The following PLEKHA5 variants were observed in gnomAD, a reference collection of about 807,000 sequenced individuals.
PLEKHA5 encodes pleckstrin homology domain-containing family A member 5.
PLEKHA5 carries 55 observed loss-of-function variants against 181.9 expected under a neutral mutation model. The observed-to-expected ratio is 0.30, with a 90% confidence interval of 0.24 to 0.38. The LOEUF is 0.38. Among genes scored for constraint, PLEKHA5 ranks in the 10% least tolerant of loss-of-function variants. The probability of loss-of-function intolerance (pLI) is 1.00; values close to 1 mark genes in which losing one functional copy is unlikely to be tolerated. For missense variants in PLEKHA5, 1,432 were observed against 1,549.5 expected (o/e 0.92, Z 1.27); for synonymous variants, 535 against 529.4 (o/e 1.01, Z -0.15).
intron 11 of PLEKHA5, among the ~76,000 whole-genome samples, chr12:19,279,950 G>A (rs11044475): frequency 0.91 from 138,192 of 151,310 alleles, 63,967 homozygotes; most frequent in Non-Finnish European, 1. Context: ...TAATTTTACT[G>A]CCCCAATAGA....
intron 3 of PLEKHA5, among the ~76,000 whole-genome samples, chr12:19,188,391 G>T (rs773231597): frequency 6.6e-6 from 1 of 152,008 alleles, no homozygotes; most frequent in Non-Finnish European, 1.5e-5. Context: ...TTTCAGATCA[G>T]CATGTTATTT....
chr12:19,163,163 C>G (rs1392799429), intron 3 of PLEKHA5, among the ~76,000 whole-genome samples: 1 of 151,810 alleles, frequency 6.6e-6, no homozygotes, highest in African/African-American at 2.4e-5. Context: ...TAACCAGGAT[C>G]CAGAATTTGA....
At chr12:19,310,926 A>G (rs1307616721) in intron 15 of PLEKHA5, among the ~76,000 whole-genome samples, 2 of 152,134 alleles carry the variant, frequency 1.3e-5, no homozygotes, top group African/African-American at 4.8e-5. Flanking sequence ...AGCAAGTCCT[A>G]ATCTTTTTGC....
chr12:19,186,212 A>G (rs1020095044), intron 3 of PLEKHA5, among the ~76,000 whole-genome samples: 2 of 152,242 alleles, frequency 1.3e-5, no homozygotes, highest in African/African-American at 4.8e-5. Flanking sequence ...CTTTCAGTTC[A>G]GTAGAAAATG....
chr12:19,365,861 T>C, intron 29 of PLEKHA5, 103 bp from the exon 30 acceptor site: 1 of 666,014 alleles, frequency 1.5e-6, no homozygotes. Context: ...TAAGAAAATG[T>C]TCGTTGTTAA....
chr12:19,275,129 T>A, intron 11 of PLEKHA5, 146 bp downstream of exon 11: 1 of 623,548 alleles, frequency 1.6e-6, no homozygotes, highest in Non-Finnish European at 2.8e-6. Context: ...TTTATAATGA[T>A]CAGATATAAG....
intron 4 of PLEKHA5, 68 bp from the exon 5 acceptor site, chr12:19,254,977 T>C (rs1461847836): frequency 1.4e-6 from 2 of 1,396,786 alleles, no homozygotes; most frequent in Non-Finnish European, 2.0e-6. Context: ...TTGTTAACTG[T>C]AGAGAAGTGT....
chr12:19,268,457 A>T (rs2071335889), intron 8 of PLEKHA5, among the ~76,000 whole-genome samples: 1 of 152,232 alleles, frequency 6.6e-6, no homozygotes, highest in Non-Finnish European at 1.5e-5. Flanking sequence ...TTTTAATTTT[A>T]TCTGTAACAA....
At chr12:19,374,504 C>T (rs944056201) in intron 31 of PLEKHA5, among the ~76,000 whole-genome samples, 1 of 151,394 alleles carries the variant, frequency 6.6e-6, no homozygotes, top group African/African-American at 2.4e-5. Flanking sequence ...ACTGAAAATA[C>T]AAAAATTAGC....
At position 19,191,577 on chromosome 12, in the gene PLEKHA5, A is replaced by C. The variant is rs531367961; in HGVS notation, c.227+59127A>C. ...GTTATACAAAATAAGATACGTTGTA[A>C]CCTAATTAGATACAGGTATATCAGC... is the stretch of plus-strand genomic sequence containing the variant. On this transcript the variant is annotated intron_variant, in intron 3 of 31. Transcript: ENST00000429027. Among the ~76,000 whole-genome samples, 8 of 152,324 alleles carry C rather than the reference A, an allele frequency of 5.3e-5. No individual in the cohort carries two copies. In the South Asian group the frequency reaches 1.7e-3, roughly 32 times the overall value.
At chr12:19,246,231 G>T (rs2063716113) in intron 3 of PLEKHA5, among the ~76,000 whole-genome samples, 1 of 151,702 alleles carries the variant, frequency 6.6e-6, no homozygotes, top group Non-Finnish European at 1.5e-5. Context: ...ACCCGCCTTG[G>T]CCTCCCAAAG....
Position 19,366,059 on chromosome 12 carries a change from T to C in PLEKHA5, c.3704T>C (p.Ile1235Thr). 1 of 1,612,360 alleles carries C rather than the reference T, an allele frequency of 6.2e-7. No individual in the cohort carries two copies. ...NSVDEQEETV[I>T]SYESTPEVSR... Reference sequence around the variant, plus strand: ...GTTGACGAACAGGAAGAAACTGTTATTTCTTACGAATCAACTCCTGAGGTT... The same window carrying C: ...GTTGACGAACAGGAAGAAACTGTTACTTCTTACGAATCAACTCCTGAGGTT... The change falls in exon 30 of 32, where the codon ATT becomes ACT. Residue 1235 changes from isoleucine to threonine, a missense_variant. Coordinates refer to ENST00000429027, the MANE Select transcript of PLEKHA5 (RefSeq NM_001256470.2).
intron 25 of PLEKHA5, among the ~76,000 whole-genome samples, chr12:19,349,630 G>T (rs1382832521): frequency 3.3e-5 from 5 of 152,024 alleles, no homozygotes. Flanking sequence ...AGATAGGCCA[G>T]GGGTGGTGGC....
rs568871618 is a variant in PLEKHA5, at chr12:19,167,153, G to A, written c.227+34703G>A. Among the ~76,000 whole-genome samples, 4 of 152,196 alleles carry A rather than the reference G, an allele frequency of 2.6e-5. 1 individual carries two copies. The East Asian group carries it at 7.7e-4, about 29-fold the overall frequency. ...TGCTTTGTATAGAAAAGTGAAGAAA[G>A]CAATCTCCAGAGTAACCTTGGAGCA... On this transcript the variant is annotated intron_variant, in intron 3 of 31. Transcript: ENST00000429027.
intron 11 of PLEKHA5, 119 bp from the exon 12 acceptor site, chr12:19,283,149 CAAAAAAAAAAAA>C (rs34391812): frequency 2.4e-5 from 5 of 204,092 alleles, no homozygotes; most frequent in African/African-American, 4.7e-5. Context: ...TCTTGTCTCC[CAAAAAAAAAAAA>C]AAAAAAAAAA....
rs532283100 is a variant in PLEKHA5 at position 19,173,213 on chromosome 12, C to T, written c.227+40763C>T. ...TAATTTTTTGTATTTTTAGTAGAGA[C>T]GGGGTTTCACCTTGTTAGCCAGGAT... On this transcript the variant is annotated intron_variant, in intron 3 of 31. Coordinates refer to ENST00000429027, the MANE Select transcript of PLEKHA5 (RefSeq NM_001256470.2). Among the ~76,000 whole-genome samples the T allele has an allele frequency of 1.7e-3, 260 of 149,082 alleles. 2 individuals are homozygous for T. The highest frequency in any genetic ancestry group is 6.1e-3 in the African/African-American group (246 of 40,644).
intron 29 of PLEKHA5, among the ~76,000 whole-genome samples, chr12:19,362,717 G>A (rs1164444928): frequency 2.0e-5 from 3 of 151,594 alleles, no homozygotes; most frequent in African/African-American, 7.3e-5. Flanking sequence ...CCATGATCAC[G>A]TTACTACACT....
At chr12:19,181,573 G>A (rs1188156793) in intron 3 of PLEKHA5, among the ~76,000 whole-genome samples, 1 of 152,092 alleles carries the variant, frequency 6.6e-6, no homozygotes, top group Non-Finnish European at 1.5e-5. Flanking sequence ...TCAGGAGTTT[G>A]AGACCAGCCT....
At chr12:19,330,799 T>C (rs1274057930) in intron 20 of PLEKHA5, among the ~76,000 whole-genome samples, 1 of 152,156 alleles carries the variant, frequency 6.6e-6, no homozygotes, top group Non-Finnish European at 1.5e-5. Context: ...TGCCTGATCC[T>C]CGAAATATAC....
Sources: allele counts gnomAD v4.1 joint callset (sites outside exome capture counted in the v4.1 genomes callset), GRCh38; gene constraint gnomAD v4.1.1; transcripts MANE v1.5; gene names NCBI Gene and HGNC (gene_info 2026-07-23, HGNC 2026-07-21).